Variants in PPARGC1B observed in about 807,000 individuals in gnomAD.
PPARGC1B encodes the protein PPARG coactivator 1 beta.
In PPARGC1B, 34 loss-of-function variants were observed where a neutral mutation model predicts 101.6. That is an observed-to-expected ratio of 0.33 (90% confidence interval 0.25 to 0.45). The LOEUF is 0.45. Ranked by LOEUF, PPARGC1B falls within the 20% of genes least tolerant of loss-of-function variation. The pLI is 1.00. For missense variants in PPARGC1B, 1,234 were observed against 1,317.6 expected, an observed-to-expected ratio of 0.94 and a Z score of 0.98; for synonymous variants, 548 against 539.3, an observed-to-expected ratio of 1.02 and a Z score of -0.22.
intron 1 of PPARGC1B, among the ~76,000 whole-genome samples, chr5:149,810,582 G>A (rs1757815464): frequency 6.6e-6 from 1 of 152,216 alleles, no homozygotes; most frequent in Admixed American, 6.5e-5. Flanking sequence ...GAGTGGGTAA[G>A]GAGATGACTG....
rs1435220233 is a variant in PPARGC1B, at chr5:149,833,003, G to T, written c.930G>T (p.Glu310Asp). The stretch of plus-strand genomic sequence containing the variant: ...GGAAGCTGCCCCCACAGACCCCTGA[G>T]CCACTCCCCAAGGCCTGCAGCAACC... ...PQRKLPPQTP[E>D]PLPKACSNPS... Residue 310 changes from glutamate (E) to aspartate (D), a missense_variant, in exon 5 of 12, where the codon GAG (glutamate) becomes GAT (aspartate). Physicochemically the swap from Glu to Asp is conservative, Grantham distance 45. This residue lies in a region of PPARGC1B where 734 missense variants were observed against 768.4 expected (regional missense o/e 0.96). Coordinates refer to ENST00000309241, the MANE Select transcript of PPARGC1B (RefSeq NM_133263.4). The surrounding 1 kb of genome is among the most constrained non-coding windows in gnomAD (Gnocchi z 4.1). 5 of 1,613,464 alleles carry T rather than the reference G, an allele frequency of 3.1e-6. No homozygotes were observed. The Admixed American group carries it at 8.3e-5, about 27-fold the overall frequency.
rs1754605210 is a variant in PPARGC1B, at chr5:149,734,223, G to A, written c.78+3803G>A. Among the ~76,000 whole-genome samples the A allele has an allele frequency of 2.0e-5, 3 of 150,374 alleles. No homozygotes were observed. In the Admixed American group the frequency reaches 2.0e-4, roughly 10 times the overall value. ...TGTAATCCCAGCTACTTGGGAGGCT[G>A]AGGCAGGAGAATCGCTTGAACCCGG... On this transcript the variant is annotated intron_variant, in intron 1 of 11. Transcript: ENST00000309241.
At position 149,842,242 on chromosome 5, in the gene PPARGC1B, T is replaced by A. The variant is rs771452367; in HGVS notation, c.2695-14T>A. 6.2e-7 allele frequency: 1 copy of A among 1,611,826 alleles called. No individual in the cohort carries two copies. The highest frequency in any genetic ancestry group is 1.1e-5 in the South Asian group (1 of 90,978). On this transcript the variant is annotated splice_polypyrimidine_tract_variant and intron_variant, in intron 9 of 11. Coordinates refer to ENST00000309241, the MANE Select transcript of PPARGC1B (RefSeq NM_133263.4). ...GCAATGACGGAGTCTCTCTCTGTCC[T>A]CCTTCTTGGGCAGGGGGAAGGCCGC...
chr5:149,781,718 A>T (rs746443550), intron 1 of PPARGC1B, among the ~76,000 whole-genome samples: 1 of 152,142 alleles, frequency 6.6e-6, no homozygotes, highest in Admixed American at 6.5e-5. Flanking sequence ...GATGGGGGTA[A>T]ATTCTAAAGC....
rs201110143 is a variant in PPARGC1B at position 149,837,032 on chromosome 5, A to G, written c.2577A>G (p.Ser859=). 2 of 1,591,318 alleles carry G rather than the reference A, an allele frequency of 1.3e-6. No individual in the cohort carries two copies. The highest frequency in any genetic ancestry group is 1.7e-5 in the Admixed American group (1 of 59,074). ...CSRSRSSSGS[S]PCHSWSPATR... is the part of the protein sequence containing the mutation. ...GCAGCCGCTCAAGCTCTGGCTCTTC[A>G]CCCTGCCACTCCTGGTCACCAGCCA... The change falls in exon 8 of 12, where the codon TCA becomes TCG. Residue 859 remains serine (S), a synonymous_variant. Transcript: ENST00000309241. The surrounding 1 kb of genome is among the most constrained non-coding windows in gnomAD (Gnocchi z 4.2).
Position 149,826,866 on chromosome 5 carries a change from A to T in PPARGC1B, c.446A>T (p.Glu149Val). The stretch of plus-strand genomic sequence containing the variant: ...GAGAAGCCCTCGGCCCCAGCCCCTG[A>T]GGTGGACGAGCTCTCACTGGTAAGA... Reference protein sequence around the residue: ...APEKPSAPAPEVDELSLLQKL... With the variant: ...APEKPSAPAPVVDELSLLQKL... Residue 149 changes from glutamate (E) to valine (V), a missense_variant, in exon 3 of 12, where the codon GAG (glutamate) becomes GTG (valine). Transcript: ENST00000309241. The T allele has an allele frequency of 1.2e-6, 2 of 1,611,810 alleles. No individual in the cohort carries two copies. The highest frequency in any genetic ancestry group is 2.2e-5 in the South Asian group (2 of 90,908).
chr5:149,798,754 G>A (rs1476840400), intron 1 of PPARGC1B, among the ~76,000 whole-genome samples: 8 of 152,196 alleles, frequency 5.3e-5, no homozygotes, highest in Non-Finnish European at 1.0e-4. Context: ...TGAGCACATT[G>A]CTTACCATCC....
At chr5:149,776,816 C>T (rs1756376407) in intron 1 of PPARGC1B, among the ~76,000 whole-genome samples, 1 of 152,248 alleles carries the variant, frequency 6.6e-6, no homozygotes, top group African/African-American at 2.4e-5. Context: ...GTATGTGGTT[C>T]TCAGTTGACA....
rs982668126 is a variant in PPARGC1B at position 149,854,660 on chromosome 5, T to C, written c.*7102T>C. The C allele has an allele frequency of 6.6e-6, 1 of 152,166 alleles. No homozygotes were observed. Among genetic ancestry groups the C allele is most frequent in the Non-Finnish European group, 1.5e-5 (1 of 68,040 alleles). 9.4% of individuals were successfully genotyped at this position (152,166 alleles called of 1,614,324 possible). Reference sequence around the variant, plus strand: ...TCCGTAAGAGGCAAGGAGGAAACCTTCTTTGCTTTTACATATTGTGGTTGT... The same window carrying C: ...TCCGTAAGAGGCAAGGAGGAAACCTCCTTTGCTTTTACATATTGTGGTTGT... On this transcript the variant is annotated 3_prime_UTR_variant, in exon 12 of 12. Coordinates refer to ENST00000309241, the MANE Select transcript of PPARGC1B (RefSeq NM_133263.4).
chr5:149,765,856 G>C (rs190956549), intron 1 of PPARGC1B, among the ~76,000 whole-genome samples: 1 of 76,822 alleles, frequency 1.3e-5, no homozygotes, highest in African/African-American at 5.2e-5. Flanking sequence ...GTGAGACTCC[G>C]TCTCAAAAAA....
intron 1 of PPARGC1B, among the ~76,000 whole-genome samples, chr5:149,739,254 C>T (rs1036684393): frequency 2.7e-4 from 41 of 152,338 alleles, no homozygotes; most frequent in Admixed American, 5.2e-4. Flanking sequence ...ATGTACAAGA[C>T]GTCATTTCAT....
chr5:149,809,289 CATAG>C (rs202133455), intron 1 of PPARGC1B, among the ~76,000 whole-genome samples: 1 of 12,852 alleles, frequency 7.8e-5, no homozygotes, highest in Non-Finnish European at 1.7e-4. Flanking sequence ...CCATCTCTAC[CATAG>C]ATAGATAGAT....
intron 1 of PPARGC1B, among the ~76,000 whole-genome samples, chr5:149,780,101 A>G (rs1452255105): frequency 6.6e-6 from 1 of 152,202 alleles, no homozygotes; most frequent in African/African-American, 2.4e-5. Context: ...TCCTAGGCCC[A>G]CAGGTACAAA....
chr5:149,835,513 A>T (rs1187186477), intron 7 of PPARGC1B, 148 bp downstream of exon 7: 2 of 672,768 alleles, frequency 3.0e-6, no homozygotes, highest in Non-Finnish European at 5.2e-6. Flanking sequence ...GCAGTCAAAA[A>T]GCAAACAGAA....
At chr5:149,797,161 T>G (rs936474749) in intron 1 of PPARGC1B, among the ~76,000 whole-genome samples, 3 of 152,176 alleles carry the variant, frequency 2.0e-5, no homozygotes, top group Non-Finnish European at 4.4e-5. Context: ...AGGTGGAGCT[T>G]CCAGCCCTGG....
chr5:149,808,494 G>A (rs1338434041), intron 1 of PPARGC1B, among the ~76,000 whole-genome samples: 1 of 150,446 alleles, frequency 6.6e-6, no homozygotes, highest in Non-Finnish European at 1.5e-5. Context: ...GAGTGTTGAT[G>A]TCAGGTGGTT....
intron 1 of PPARGC1B, among the ~76,000 whole-genome samples, chr5:149,741,644 G>A (rs542555827): frequency 1.5e-4 from 19 of 124,236 alleles, no homozygotes; most frequent in African/African-American, 4.7e-4. Context: ...TTTTTTTTTC[G>A]TGAGACAGAG....
intron 9 of PPARGC1B, 69 bp downstream of exon 9, chr5:149,840,185 G>A: frequency 1.4e-6 from 2 of 1,464,092 alleles, no homozygotes; most frequent in Non-Finnish European, 1.9e-6. Flanking sequence ...GGGCTTCATG[G>A]ACCAAAGCCT....
intron 1 of PPARGC1B, among the ~76,000 whole-genome samples, chr5:149,786,308 C>G (rs1486667254): frequency 2.0e-5 from 3 of 152,194 alleles, no homozygotes; most frequent in Non-Finnish European, 4.4e-5. Flanking sequence ...GTTGGCCAGG[C>G]TGGTCTTGAA....
Sources: gnomAD v4.1 joint callset for allele counts (sites outside exome capture counted in the v4.1 genomes callset) on GRCh38, gnomAD v4.1.1 for gene constraint, gnomAD v4.1.1 regional missense constraint, Gnocchi (gnomAD v3.1) non-coding constraint, MANE v1.5 for transcripts, NCBI Gene and HGNC (gene_info 2026-07-23, HGNC 2026-07-21) for gene names.